The following CCDC102B variants were observed in gnomAD, a reference collection of about 807,000 sequenced individuals.
CCDC102B encodes coiled-coil domain containing 102B, also known as coiled-coil domain-containing protein 102B.
In CCDC102B, 75 loss-of-function variants were observed where a neutral mutation model predicts 57.4. The ratio of observed to expected loss-of-function variants is 1.31; its 90% confidence interval spans 1.08 to 1.58. The LOEUF (loss-of-function observed/expected upper bound fraction) is 1.58. Among genes scored for constraint, CCDC102B ranks in the 40% most tolerant of loss-of-function variants. The pLI, the probability that CCDC102B is intolerant of heterozygous loss-of-function variation, is 0.00. For synonymous variants in CCDC102B, 206 were observed against 201.9 expected (o/e 1.02, Z -0.17); for missense variants, 636 against 582.6 (o/e 1.09, Z -0.94).
chr18:68,879,994 T>C (rs1482222581), intron 5 of CCDC102B, among the ~76,000 whole-genome samples: 1 of 152,164 alleles, frequency 6.6e-6, no homozygotes, highest in East Asian at 1.9e-4. Flanking sequence ...GCAGTGCGCA[T>C]GCACTCCTCA....
At chr18:68,908,383 A>T (rs897791013) in intron 6 of CCDC102B, 3 of 152,146 alleles carry the variant, frequency 2.0e-5, no homozygotes, top group African/African-American at 7.2e-5. Context: ...TGAACCTTTG[A>T]CTGCTTTCCA....
chr18:68,937,491 C>A (rs1386707759), intron 6 of CCDC102B, among the ~76,000 whole-genome samples: 1 of 152,048 alleles, frequency 6.6e-6, no homozygotes, highest in Non-Finnish European at 1.5e-5. Context: ...ATTACAAATA[C>A]ATTTTCATGA....
At chr18:68,831,420 C>T (rs975383854) in intron 1 of CCDC102B, among the ~76,000 whole-genome samples, 11 of 152,142 alleles carry the variant, frequency 7.2e-5, no homozygotes, top group African/African-American at 2.6e-4. Context: ...TCTATCTGAT[C>T]AGATAATGCC....
intron 7 of CCDC102B, among the ~76,000 whole-genome samples, chr18:69,052,517 AGTGT>A (rs982873171): frequency 6.6e-6 from 1 of 151,666 alleles, no homozygotes; most frequent in African/African-American, 2.4e-5. Flanking sequence ...ACACATACAT[AGTGT>A]GTGTGTGCAC....
At chr18:68,864,955 C>T (rs181822318) in intron 4 of CCDC102B, among the ~76,000 whole-genome samples, 6 of 152,156 alleles carry the variant, frequency 3.9e-5, no homozygotes, top group African/African-American at 1.4e-4. Flanking sequence ...GCTTGTATTG[C>T]CACTATTCCT....
chr18:68,813,333 T>A (rs766720836), intron 1 of CCDC102B, among the ~76,000 whole-genome samples: 3 of 152,054 alleles, frequency 2.0e-5, no homozygotes, highest in Non-Finnish European at 4.4e-5. Flanking sequence ...CTTCATAAGT[T>A]ACCCAGTCTC....
At chr18:68,778,397 C>T (rs1374521248) in intron 2 of CCDC102B, among the ~76,000 whole-genome samples, 1 of 152,088 alleles carries the variant, frequency 6.6e-6, no homozygotes, top group African/African-American at 2.4e-5. Flanking sequence ...TTTCTTTTAG[C>T]TCTGACACTA....
At chr18:69,015,827 A>G (rs553222577) in intron 7 of CCDC102B, among the ~76,000 whole-genome samples, 10 of 152,022 alleles carry the variant, frequency 6.6e-5, no homozygotes, top group African/African-American at 2.4e-4. Context: ...TTGAATACAT[A>G]TTACATTATA....
chr18:68,744,711 C>T (rs2033544253), intron 2 of CCDC102B, among the ~76,000 whole-genome samples: 2 of 152,118 alleles, frequency 1.3e-5, no homozygotes, highest in Non-Finnish European at 2.9e-5. Context: ...TGCGTGGTTA[C>T]CCCCAGCTGT....
At chr18:68,790,242 A>T (rs370630039) in intron 2 of CCDC102B, among the ~76,000 whole-genome samples, 1 of 151,610 alleles carries the variant, frequency 6.6e-6, no homozygotes, top group East Asian at 1.9e-4. Flanking sequence ...AAGCTGTCAG[A>T]CTGGGACATT....
intron 2 of CCDC102B, chr18:68,754,965 T>A (rs1159498852): frequency 2.0e-5 from 3 of 152,506 alleles, no homozygotes; most frequent in Non-Finnish European, 4.4e-5. Context: ...CTTCCCAGGC[T>A]CCAGAACTGT....
At chr18:69,039,058 CA>C (rs2052366131) in intron 7 of CCDC102B, among the ~76,000 whole-genome samples, 1 of 151,966 alleles carries the variant, frequency 6.6e-6, no homozygotes, top group Admixed American at 6.6e-5. Context: ...GACAGTGCAA[CA>C]GGGGGGTTCC....
chr18:68,787,647 T>C (rs1216193384), intron 2 of CCDC102B, among the ~76,000 whole-genome samples: 1 of 148,928 alleles, frequency 6.7e-6, no homozygotes, highest in Non-Finnish European at 1.5e-5. Context: ...TGATGGTAGT[T>C]TGTATTTCTG....
intron 1 of CCDC102B, among the ~76,000 whole-genome samples, chr18:68,827,920 A>C (rs1043063591): frequency 6.6e-6 from 1 of 151,982 alleles, no homozygotes; most frequent in African/African-American, 2.4e-5. Flanking sequence ...TTAATATCAG[A>C]GATGTCACTT....
At chr18:68,746,858 C>A (rs1047775209) in intron 2 of CCDC102B, among the ~76,000 whole-genome samples, 4 of 151,842 alleles carry the variant, frequency 2.6e-5, no homozygotes, top group African/African-American at 9.7e-5. Flanking sequence ...TTACCACGAT[C>A]AAGGTAATAA....
chr18:68,892,287 T>A (rs1162145486), intron 5 of CCDC102B, among the ~76,000 whole-genome samples: 1 of 152,164 alleles, frequency 6.6e-6, no homozygotes, highest in East Asian at 1.9e-4. Flanking sequence ...ATCTCCTTTA[T>A]TACATTTCTG....
chr18:69,030,750 G>A (rs184729643), intron 7 of CCDC102B, among the ~76,000 whole-genome samples: 1 of 152,278 alleles, frequency 6.6e-6, no homozygotes, highest in East Asian at 1.9e-4. Flanking sequence ...CACCTCCTGG[G>A]TTCAAGCAAT....
At chr18:69,007,702 G>C (rs1469884469) in intron 6 of CCDC102B, among the ~76,000 whole-genome samples, 1 of 152,184 alleles carries the variant, frequency 6.6e-6, no homozygotes, top group Non-Finnish European at 1.5e-5. Context: ...GACTTATTGA[G>C]AATATAGTTT....
At chr18:69,003,642 A>G (rs2051264843) in intron 6 of CCDC102B, among the ~76,000 whole-genome samples, 1 of 152,182 alleles carries the variant, frequency 6.6e-6, no homozygotes, top group Non-Finnish European at 1.5e-5. Context: ...CACATAAAAC[A>G]GTCTCTTCTA....
Sources: allele counts gnomAD v4.1 joint callset (sites outside exome capture counted in the v4.1 genomes callset), GRCh38; gene constraint gnomAD v4.1.1; transcripts MANE v1.5; gene names NCBI Gene and HGNC (gene_info 2026-07-23, HGNC 2026-07-21).